The following SNRPN variants were observed in gnomAD, a reference collection of about 807,000 sequenced individuals.
SNRPN encodes small nuclear ribonucleoprotein-associated protein N.
Under a neutral mutation model 25.2 loss-of-function variants are expected in SNRPN, and 7 were observed. The observed-to-expected ratio is 0.28, with a 90% CI of 0.16 to 0.52. SNRPN has a LOEUF of 0.52. SNRPN is among the 20% of genes least tolerant of loss of function. The pLI is 0.96. For missense variants in SNRPN, 196 were observed against 322.5 expected (o/e 0.61, Z 3.00); for synonymous variants, 124 against 110.6 (o/e 1.12, Z -0.76).
intron 2 of SNRPN, among the ~76,000 whole-genome samples, chr15:24,962,424 A>G (rs1205215435): frequency 6.6e-6 from 1 of 152,210 alleles, no homozygotes; most frequent in East Asian, 1.9e-4. Flanking sequence ...CTTTTTTCCT[A>G]TACGTGGGTA....
chr15:24,826,071 T>C (rs892295972), intron 1 of SNRPN, among the ~76,000 whole-genome samples: 1 of 152,078 alleles, frequency 6.6e-6, no homozygotes, highest in African/African-American at 2.4e-5. Context: ...GCTGTGTCTT[T>C]TAGCATCATG....
intron 1 of SNRPN, among the ~76,000 whole-genome samples, chr15:24,876,373 T>C (rs530750535): frequency 1.3e-5 from 2 of 152,102 alleles, no homozygotes; most frequent in East Asian, 3.9e-4. Flanking sequence ...ATCTCAACAC[T>C]TTGGGAAGCT....
At chr15:24,858,296 C>A (rs567121402) in intron 1 of SNRPN, among the ~76,000 whole-genome samples, 23 of 152,008 alleles carry the variant, frequency 1.5e-4, no homozygotes, top group African/African-American at 4.6e-4. Flanking sequence ...CTGAAGTTCG[C>A]GGGGAATGAA....
At chr15:24,976,661 T>A (rs1191502829) in intron 6 of SNRPN, among the ~76,000 whole-genome samples, 1 of 152,236 alleles carries the variant, frequency 6.6e-6, no homozygotes, top group Non-Finnish European at 1.5e-5. Context: ...TTGCTTGGTA[T>A]GTTTATAAAA....
At chr15:24,905,421 G>T (rs2058733266) in intron 2 of SNRPN, among the ~76,000 whole-genome samples, 1 of 150,020 alleles carries the variant, frequency 6.7e-6, no homozygotes, top group African/African-American at 2.5e-5. Flanking sequence ...AGGCAGGAGA[G>T]TCGCTTGAAC....
intron 3 of SNRPN, among the ~76,000 whole-genome samples, chr15:24,938,114 GTT>G (rs34512648): frequency 2.1e-5 from 3 of 140,006 alleles, no homozygotes; most frequent in Non-Finnish European, 3.1e-5. Context: ...CTTCTAATTC[GTT>G]TTTTTTTTTT....
intron 2 of SNRPN, among the ~76,000 whole-genome samples, chr15:24,907,363 C>T (rs551452831): frequency 3.3e-5 from 5 of 151,994 alleles, no homozygotes; most frequent in South Asian, 4.2e-4. Flanking sequence ...TTTGGGAGGC[C>T]GAGGCAGGCG....
At chr15:24,885,377 G>T (rs2057102307) in intron 1 of SNRPN, among the ~76,000 whole-genome samples, 1 of 152,190 alleles carries the variant, frequency 6.6e-6, no homozygotes, top group Non-Finnish European at 1.5e-5. Flanking sequence ...GTCAAAAGGT[G>T]TTCCTTTAAA....
chr15:24,941,805 G>A (rs918677512), intron 3 of SNRPN, among the ~76,000 whole-genome samples: 1 of 151,912 alleles, frequency 6.6e-6, no homozygotes, highest in East Asian at 1.9e-4. Context: ...TTTAGACAGA[G>A]TCTCACTCTG....
intron 1 of SNRPN, among the ~76,000 whole-genome samples, chr15:24,960,800 G>A (rs1172252425): frequency 6.6e-6 from 1 of 152,096 alleles, no homozygotes; most frequent in Non-Finnish European, 1.5e-5. Flanking sequence ...CTTTTTTGAG[G>A]TGTGAGTGAC....
At chr15:24,870,674 C>T (rs2055009874) in intron 1 of SNRPN, among the ~76,000 whole-genome samples, 1 of 151,480 alleles carries the variant, frequency 6.6e-6, no homozygotes, top group Non-Finnish European at 1.5e-5. Context: ...AGAATCTTCA[C>T]TTTGTACCCA....
chr15:24,893,477 G>T (rs1452671486), intron 2 of SNRPN, among the ~76,000 whole-genome samples: 1 of 151,970 alleles, frequency 6.6e-6, no homozygotes, highest in East Asian at 1.9e-4. Flanking sequence ...AATTAGCTGG[G>T]TGTGGTGGCA....
At chr15:24,971,516 A>T (rs2153634765) in intron 3 of SNRPN, among the ~76,000 whole-genome samples, 1 of 151,886 alleles carries the variant, frequency 6.6e-6, no homozygotes, top group East Asian at 1.9e-4. Flanking sequence ...TCTTCTAGCT[A>T]TACAGGTTAT....
intron 1 of SNRPN, among the ~76,000 whole-genome samples, chr15:24,877,670 A>G (rs1439072972): frequency 4.3e-5 from 4 of 93,520 alleles, no homozygotes. Flanking sequence ...AAACACACAC[A>G]CACACACACA....
chr15:24,960,668 T>C (rs964226939), intron 1 of SNRPN, among the ~76,000 whole-genome samples: 34 of 152,246 alleles, frequency 2.2e-4, no homozygotes, highest in African/African-American at 7.2e-4. Flanking sequence ...GATTAGCCAC[T>C]TGTATGTGTT....
At chr15:24,958,653 G>A (rs34954649) in intron 1 of SNRPN, 1 of 152,062 alleles carries the variant, frequency 6.6e-6, no homozygotes, top group Non-Finnish European at 1.5e-5. Flanking sequence ...ATTCTCCTCA[G>A]ATTTGTTTTG....
At chr15:24,868,131 A>G (rs1346168097) in intron 1 of SNRPN, among the ~76,000 whole-genome samples, 1 of 150,600 alleles carries the variant, frequency 6.6e-6, no homozygotes, top group Non-Finnish European at 1.5e-5. Context: ...GTATATATAT[A>G]TATATACACA....
At chr15:24,908,102 G>A (rs1366281733) in intron 2 of SNRPN, among the ~76,000 whole-genome samples, 2 of 145,774 alleles carry the variant, frequency 1.4e-5, no homozygotes, top group East Asian at 2.0e-4. Context: ...AGAAAGCACA[G>A]AGCAGCCCTT....
Position 24,832,877 on chromosome 15 carries a change from C to T in SNRPN, c.-579+2972C>T, listed in dbSNP as rs187013809. On this transcript the variant is annotated intron_variant, in intron 2 of 12. Coordinates refer to the SNRPN transcript ENST00000400100. The stretch of plus-strand genomic sequence containing the variant: ...ATCCCAGCACTTTGGGAGGCCGAGG[C>T]GGGCGGACCACGAGGTCAGGAGATC... 7.3e-3 allele frequency among the ~76,000 whole-genome samples: 1,116 copies of T among 151,876 alleles called. 19 individuals are homozygous for T. Among genetic ancestry groups the T allele is most frequent in the African/African-American group, 0.026 (1,064 of 41,328 alleles).
Sources: allele counts gnomAD v4.1 joint callset (sites outside exome capture counted in the v4.1 genomes callset), GRCh38; gene constraint gnomAD v4.1.1; transcripts MANE v1.5; gene names NCBI Gene and HGNC (gene_info 2026-07-23, HGNC 2026-07-21).